TMEM132D: variants seen among roughly 807,000 people sequenced by gnomAD.
TMEM132D encodes mature OL transmembrane protein.
Under a neutral mutation model 62.3 loss-of-function variants are expected in TMEM132D, and 21 were observed. The observed-to-expected ratio is 0.34, with a 90% CI of 0.24 to 0.49. The LOEUF (loss-of-function observed/expected upper bound fraction) is 0.49, where lower values mean the gene tolerates loss of function less well. Ranked by LOEUF, TMEM132D falls within the 20% of genes least tolerant of loss-of-function variation. TMEM132D has a pLI of 0.99. For synonymous variants in TMEM132D, 621 were observed against 575.6 expected, an observed-to-expected ratio of 1.08 and a Z score of -1.13; for missense variants, 1,346 against 1,402.8, an observed-to-expected ratio of 0.96 and a Z score of 0.65.
intron 5 of TMEM132D, among the ~76,000 whole-genome samples, chr12:129,187,541 A>G (rs1878252756): frequency 6.6e-6 from 1 of 152,244 alleles, no homozygotes; most frequent in Admixed American, 6.5e-5. Flanking sequence ...ACAGTTTATC[A>G]TCCTGTATCA....
intron 3 of TMEM132D, among the ~76,000 whole-genome samples, chr12:129,374,462 CAG>C (rs1345786720): frequency 6.6e-6 from 1 of 152,018 alleles, no homozygotes; most frequent in Non-Finnish European, 1.5e-5. Context: ...CAGTGCATAA[CAG>C]ATGCCTTGGG....
intron 5 of TMEM132D, among the ~76,000 whole-genome samples, chr12:129,135,400 G>T (rs905148218): frequency 6.6e-6 from 1 of 152,176 alleles, no homozygotes; most frequent in Non-Finnish European, 1.5e-5. Flanking sequence ...CAGGTAACAT[G>T]TCAGAGCTCA....
chr12:129,775,428 T>C (rs1344029301), intron 1 of TMEM132D, among the ~76,000 whole-genome samples: 3 of 152,174 alleles, frequency 2.0e-5, no homozygotes, highest in Non-Finnish European at 4.4e-5. Flanking sequence ...ACCAGCACTG[T>C]GCAGAGGCCC....
intron 6 of TMEM132D, 112 bp downstream of exon 6, chr12:129,084,385 G>C (rs1334477219): frequency 1.6e-5 from 17 of 1,065,630 alleles, no homozygotes; most frequent in Non-Finnish European, 2.1e-5. Flanking sequence ...AGCGGTGGAG[G>C]GAGGCTTGGT....
chr12:129,820,261 C>A (rs1329707291), intron 1 of TMEM132D, among the ~76,000 whole-genome samples: 1 of 152,186 alleles, frequency 6.6e-6, no homozygotes, highest in Non-Finnish European at 1.5e-5. Flanking sequence ...TCTTAACCCA[C>A]TCAATGTCTT....
At chr12:129,473,318 G>GTTTTTTTTTTTTTTTTTTTTTTTTTTTTT in intron 3 of TMEM132D, among the ~76,000 whole-genome samples, 2 of 57,760 alleles carry the variant, frequency 3.5e-5, no homozygotes, top group Non-Finnish European at 6.7e-5. Context: ...AGTGATTTTA[G>GTTTTTTTTTTTTTTTTTTTTTTTTTTTTT]TTTTTGTTTT....
At chr12:129,586,201 G>C (rs1052897604) in intron 2 of TMEM132D, among the ~76,000 whole-genome samples, 1 of 150,354 alleles carries the variant, frequency 6.7e-6, no homozygotes, top group African/African-American at 2.5e-5. Context: ...GCTGAGTTTT[G>C]CCTCCTGAAT....
At chr12:129,237,257 T>C (rs1164753004) in intron 4 of TMEM132D, among the ~76,000 whole-genome samples, 1 of 152,300 alleles carries the variant, frequency 6.6e-6, no homozygotes, top group East Asian at 1.9e-4. Flanking sequence ...ATTTTTCTCT[T>C]TTTGTCATGC....
intron 3 of TMEM132D, among the ~76,000 whole-genome samples, chr12:129,386,121 G>T (rs1871099049): frequency 1.3e-5 from 2 of 152,096 alleles, no homozygotes; most frequent in South Asian, 4.1e-4. Flanking sequence ...ATACACCCTT[G>T]ATCTCATGTT....
In TMEM132D at chr12:129,239,109, G is replaced by A. The variant is rs542261698; in HGVS notation, c.1300-29446C>T. Among the ~76,000 whole-genome samples, 22 of 149,500 alleles carry A rather than the reference G, an allele frequency of 1.5e-4. No homozygotes were observed. The South Asian group carries it at 4.6e-3, about 31-fold the overall frequency. On this transcript the variant is annotated intron_variant, in intron 4 of 8. Coordinates refer to ENST00000422113, the MANE Select transcript of TMEM132D (RefSeq NM_133448.3). The stretch of plus-strand genomic sequence containing the variant: ...AAGGATGTTGACCATCTTTTCACGT[G>A]CTTGTTATTACCCATTTGCACATCT...
At chr12:129,268,989 A>G (rs753661343) in intron 4 of TMEM132D, among the ~76,000 whole-genome samples, 255 of 133,384 alleles carry the variant, frequency 1.9e-3, no homozygotes, top group Non-Finnish European at 3.1e-3. Flanking sequence ...TGGACATAGG[A>G]AGGGGAACAT....
chr12:129,794,899 T>A (rs1871516912), intron 1 of TMEM132D, among the ~76,000 whole-genome samples: 1 of 152,136 alleles, frequency 6.6e-6, no homozygotes, highest in Admixed American at 6.5e-5. Flanking sequence ...GACATGCACA[T>A]ATATGCATTT....
chr12:129,803,376 T>C lies in TMEM132D; in HGVS notation c.79+99885A>G, dbSNP rs183988607. Among the ~76,000 whole-genome samples, 147 of 152,034 alleles carry C rather than the reference T, an allele frequency of 9.7e-4. 2 individuals carry two copies. The highest frequency in any genetic ancestry group is 3.4e-3 in the Middle Eastern group (1 of 294). On this transcript the variant is annotated intron_variant, in intron 1 of 8. Coordinates refer to ENST00000422113, the MANE Select transcript of TMEM132D (RefSeq NM_133448.3). The stretch of plus-strand genomic sequence containing the variant: ...AGTGCAATCAAACTAGATCTCAGGA[T>C]TAAGAAACTCACTCAAAACTGCACA...
chr12:129,706,361 A>T (rs1440305699), intron 1 of TMEM132D, among the ~76,000 whole-genome samples: 3 of 151,992 alleles, frequency 2.0e-5, no homozygotes, highest in Non-Finnish European at 4.4e-5. Context: ...TTTAATACAA[A>T]AAAAGTAAAA....
At chr12:129,822,075 G>A (rs893796636) in intron 1 of TMEM132D, among the ~76,000 whole-genome samples, 1 of 152,178 alleles carries the variant, frequency 6.6e-6, no homozygotes, top group African/African-American at 2.4e-5. Context: ...ACATCAGAGA[G>A]ACAATCTGAG....
intron 3 of TMEM132D, among the ~76,000 whole-genome samples, chr12:129,377,696 G>A (rs1593356868): frequency 6.6e-6 from 1 of 152,254 alleles, no homozygotes; most frequent in Middle Eastern, 3.4e-3. Context: ...TGTGGTGAGT[G>A]TAAATCTTTG....
rs551197337 is a variant in TMEM132D at position 129,592,722 on chromosome 12, T to A, written c.969-61517A>T. ...AGATGCATTTTTCATGGACTCAAAG[T>A]AAGATGCAAAACAAACAGTGTGTGC... is the stretch of plus-strand genomic sequence containing the variant. On this transcript the variant is annotated intron_variant, in intron 2 of 8. Transcript: ENST00000422113. Among the ~76,000 whole-genome samples the A allele has an allele frequency of 2.0e-5, 3 of 152,258 alleles. No homozygotes were observed. In the East Asian group the frequency reaches 5.8e-4, roughly 29 times the overall value.
At chr12:129,187,396 C>T (rs1188496635) in intron 5 of TMEM132D, among the ~76,000 whole-genome samples, 2 of 152,196 alleles carry the variant, frequency 1.3e-5, no homozygotes, top group African/African-American at 2.4e-5. Flanking sequence ...CTCAGAATAA[C>T]AGCCAAGAAC....
intron 2 of TMEM132D, among the ~76,000 whole-genome samples, chr12:129,627,594 A>G (rs1347100789): frequency 1.3e-5 from 2 of 152,196 alleles, no homozygotes; most frequent in Admixed American, 6.5e-5. Flanking sequence ...AATAAAAACT[A>G]ACATATACAC....
Sources: gnomAD v4.1 joint callset for allele counts (sites outside exome capture counted in the v4.1 genomes callset) on GRCh38, gnomAD v4.1.1 for gene constraint, MANE v1.5 for transcripts, NCBI Gene and HGNC (gene_info 2026-07-23, HGNC 2026-07-21) for gene names.